Variants in STAR observed in about 807,000 individuals in gnomAD.
STAR encodes the protein steroidogenic acute regulatory protein, mitochondrial.
In STAR, 32 loss-of-function variants were observed where a neutral mutation model predicts 32.3. The observed-to-expected ratio is 0.99, with a 90% CI of 0.75 to 1.33. STAR has a LOEUF of 1.33. Among genes scored for constraint, STAR ranks in the 40% most tolerant of loss-of-function variants. The probability of loss-of-function intolerance (pLI) is 0.00; values close to 1 mark genes in which losing one functional copy is unlikely to be tolerated. For synonymous variants in STAR, 134 were observed against 140.5 expected (o/e 0.95, Z 0.33); for missense variants, 375 against 379.0 (o/e 0.99, Z 0.09).
chr8:38,149,550 T>A (rs1321440833), intron 1 of STAR, among the ~76,000 whole-genome samples: 4 of 152,142 alleles, frequency 2.6e-5, no homozygotes, highest in African/African-American at 9.7e-5. Flanking sequence ...CTCCCCTATG[T>A]CTCTTCTCCG....
Position 38,144,143 on chromosome 8 carries a change from T to G in STAR, c.*130A>C. The G allele has an allele frequency of 2.1e-6, 2 of 970,888 alleles. No individual in the cohort carries two copies. The highest frequency in any genetic ancestry group is 3.2e-6 in the Non-Finnish European group (2 of 633,242). The allele number at this position is 970,888 out of a possible 1,614,324, so 60.1% of individuals were successfully genotyped here. On this transcript the variant is annotated 3_prime_UTR_variant, in exon 7 of 7. Transcript: ENST00000276449. ...CAATCTGAATCCTAGTGTCATACTC[T>G]AAACACGAACCCCACCCATCCCACT...
At chr8:38,149,868 TG>T (rs1309423827) in intron 1 of STAR, among the ~76,000 whole-genome samples, 1 of 152,166 alleles carries the variant, frequency 6.6e-6, no homozygotes, top group Admixed American at 6.6e-5. Flanking sequence ...CCATGGCTCA[TG>T]CCTATAATCC....
intron 1 of STAR, chr8:38,148,968 G>C (rs1264549206): frequency 8.7e-6 from 5 of 574,498 alleles, no homozygotes; most frequent in Non-Finnish European, 1.2e-5. Flanking sequence ...CTTCCATCTG[G>C]GGTGGTCAGG....
At position 38,143,252 on chromosome 8, in the gene STAR, TAAA is replaced by T. The variant is rs1226152099; in HGVS notation, c.*1018_*1020del. On this transcript the variant is annotated 3_prime_UTR_variant, in exon 7 of 7. Transcript: ENST00000276449. ...TGAGCCTTAATTTAGTTTGACTAATTAAAAGCTTTGTCCAGAACTCCTCTAGTG... is the reference window on the plus strand; with the variant it reads ...TGAGCCTTAATTTAGTTTGACTAATTAGCTTTGTCCAGAACTCCTCTAGTG... 6.6e-6 allele frequency among the ~76,000 whole-genome samples: 1 copy of T among 152,148 alleles called. No homozygotes were observed. The highest frequency in any genetic ancestry group is 1.5e-5 in the Non-Finnish European group (1 of 68,034).
Position 38,150,860 on chromosome 8 carries a change from G to A in STAR, c.-42C>T. ...TGGCAGTGGTGGGGTCGCTGCCGCTGCTGCTGCCGCCGCTGCTGCTGCCTC... is the reference window on the plus strand; with the variant it reads ...TGGCAGTGGTGGGGTCGCTGCCGCTACTGCTGCCGCCGCTGCTGCTGCCTC... On this transcript the variant is annotated 5_prime_UTR_variant, in exon 1 of 7. Coordinates refer to ENST00000276449, the MANE Select transcript of STAR (RefSeq NM_000349.3). 6.3e-7 allele frequency: 1 copy of A among 1,599,684 alleles called. No individual in the cohort carries two copies.
chr8:38,147,174 G>A (rs1295414225), intron 3 of STAR, among the ~76,000 whole-genome samples: 1 of 151,972 alleles, frequency 6.6e-6, no homozygotes, highest in Non-Finnish European at 1.5e-5. Context: ...TTTTTGTAGA[G>A]ATGTGATCTC....
At chr8:38,148,817 C>G in intron 1 of STAR, 63 bp from the exon 2 acceptor site, 1 of 1,279,742 alleles carries the variant, frequency 7.8e-7, no homozygotes, top group Non-Finnish European at 1.1e-6. Flanking sequence ...ACCACTCCCA[C>G]CCCCTCATCT....
chr8:38,146,002 G>C lies in STAR; in HGVS notation c.611C>G (p.Thr204Arg). The C allele has an allele frequency of 7.4e-6, 12 of 1,614,234 alleles. No homozygotes were observed. The highest frequency in any genetic ancestry group is 9.3e-6 in the Non-Finnish European group (11 of 1,180,042). The change falls in exon 5 of 7, where the codon ACA becomes AGA. Residue 204 changes from threonine (T) to arginine (R), a missense_variant. Transcript: ENST00000276449. Reference sequence around the variant, plus strand: ...CTGCTCAGGCATGTTCCCGAAGTCTGTGGCCATGCCAGCCAGCACACAGGT... The same window carrying C: ...CTGCTCAGGCATGTTCCCGAAGTCTCTGGCCATGCCAGCCAGCACACAGGT... ...GSTCVLAGMATDFGNMPEQKG... is the reference protein window; with the variant it reads ...GSTCVLAGMARDFGNMPEQKG...
chr8:38,149,433 A>T (rs1180064706), intron 1 of STAR, among the ~76,000 whole-genome samples: 6 of 152,202 alleles, frequency 3.9e-5, no homozygotes, highest in African/African-American at 1.4e-4. Flanking sequence ...CTTGGATGCG[A>T]ATCAGCTCTA....
intron 3 of STAR, among the ~76,000 whole-genome samples, chr8:38,147,491 A>G (rs1802594162): frequency 6.6e-6 from 1 of 152,236 alleles, no homozygotes; most frequent in Non-Finnish European, 1.5e-5. Context: ...ATGTGGGGCC[A>G]GAGAAGGTCA....
At chr8:38,147,600 A>G (rs932100561) in intron 3 of STAR, among the ~76,000 whole-genome samples, 1 of 152,232 alleles carries the variant, frequency 6.6e-6, no homozygotes, top group Non-Finnish European at 1.5e-5. Flanking sequence ...CTGAGAACTT[A>G]GGGAAGGAAG....
chr8:38,148,140 G>A, intron 3 of STAR, 60 bp downstream of exon 3: 1 of 1,610,612 alleles, frequency 6.2e-7, no homozygotes, highest in South Asian at 1.1e-5. Flanking sequence ...AGTAACCCCA[G>A]CTGGCCTTGA....
intron 5 of STAR, 65 bp from the exon 6 acceptor site, chr8:38,145,380 A>C: frequency 6.2e-7 from 1 of 1,604,526 alleles, no homozygotes; most frequent in Non-Finnish European, 8.5e-7. Flanking sequence ...GGCTGCTTAC[A>C]CCAGTACCAT....
At position 38,144,057 on chromosome 8, in the gene STAR, A is replaced by G; in HGVS notation, c.*216T>C. ...CCCTCATGTCATAGCTAATCAGTGA[A>G]TGAAGTTACCTTTTAATCCAAGAGC... On this transcript the variant is annotated 3_prime_UTR_variant, in exon 7 of 7. Coordinates refer to ENST00000276449, the MANE Select transcript of STAR (RefSeq NM_000349.3). 1 of 558,824 alleles carries G rather than the reference A, an allele frequency of 1.8e-6. No homozygotes were observed. Among genetic ancestry groups the G allele is most frequent in the South Asian group, 1.8e-5 (1 of 56,076 alleles). The allele number at this position is 558,824 out of a possible 1,614,324, so 34.6% of individuals were successfully genotyped here. A position where few individuals can be genotyped will look rare whatever the true frequency, so the allele number is the denominator to read the frequency against.
Position 38,146,400 on chromosome 8 carries a change from C to G in STAR, c.354G>C (p.Lys118Asn). 1 of 1,614,042 alleles carries G rather than the reference C, an allele frequency of 6.2e-7. No homozygotes were observed. The highest frequency in any genetic ancestry group is 2.2e-5 in the East Asian group (1 of 44,884). ...CCACCACGACCTCCAGCCGGAACAC[C>G]TTGCCCACATCTGGGACCACTTTAC... is the stretch of plus-strand genomic sequence containing the variant. ...VMSKVVPDVG[K>N]VFRLEVVVDQ... The change falls in exon 4 of 7, where the codon AAG becomes AAC. Residue 118 changes from lysine (K) to asparagine (N), a missense_variant. Lys to Asn is a moderately conservative substitution (Grantham distance 94). Coordinates refer to ENST00000276449, the MANE Select transcript of STAR (RefSeq NM_000349.3).
intron 3 of STAR, among the ~76,000 whole-genome samples, chr8:38,147,251 G>A (rs887782405): frequency 4.0e-5 from 6 of 151,894 alleles, no homozygotes; most frequent in Admixed American, 6.6e-5. Context: ...GCCTCCAGGC[G>A]TAAGCCACTG....
At position 38,150,385 on chromosome 8, in the gene STAR, A is replaced by T. The variant is rs150991715; in HGVS notation, c.64+370T>A. Among the ~76,000 whole-genome samples the T allele has an allele frequency of 2.3e-3, 350 of 151,118 alleles. 2 individuals are homozygous for T. Among genetic ancestry groups the T allele is most frequent in the African/African-American group, 7.3e-3 (299 of 41,202 alleles). On this transcript the variant is annotated intron_variant, in intron 1 of 6. Coordinates refer to ENST00000276449, the MANE Select transcript of STAR (RefSeq NM_000349.3). ...CTGTACTCCAGCCTCTGTGACAGAG[A>T]CCTTTATTCAAACAAAAAAAAAAGA...
At chr8:38,144,482 T>C in intron 6 of STAR, 96 bp from the exon 7 acceptor site, 2 of 1,532,844 alleles carry the variant, frequency 1.3e-6, no homozygotes, top group Non-Finnish European at 8.8e-7. Context: ...GGGCTTGGTC[T>C]TCGAGCTCTG....
At position 38,145,246 on chromosome 8, in the gene STAR, C is replaced by T. The variant is rs768179486; in HGVS notation, c.720G>A (p.Thr240=). ...LAGSPSKTKL[T]WLLSIDLKGW... Reference sequence around the variant, plus strand: ...CCTTGAGGTCGATGCTGAGTAGCCACGTAAGTTTGGTCTTAGAGGGACTTC... The same window carrying T: ...CCTTGAGGTCGATGCTGAGTAGCCATGTAAGTTTGGTCTTAGAGGGACTTC... The change falls in exon 6 of 7, where the codon ACG becomes ACA. Residue 240 remains threonine (T), a synonymous_variant. Coordinates refer to ENST00000276449, the MANE Select transcript of STAR (RefSeq NM_000349.3). 8.1e-6 allele frequency: 13 copies of T among 1,614,014 alleles called. No homozygotes were observed. Among genetic ancestry groups the T allele is most frequent in the East Asian group, 2.2e-5 (1 of 44,890 alleles).
Sources: allele counts gnomAD v4.1 joint callset (sites outside exome capture counted in the v4.1 genomes callset), GRCh38; gene constraint gnomAD v4.1.1; transcripts MANE v1.5; gene names NCBI Gene and HGNC (gene_info 2026-07-23, HGNC 2026-07-21).